The following FHIT variants were observed in gnomAD, a reference collection of about 807,000 sequenced individuals.
The protein encoded by FHIT is bis(5'-adenosyl)-triphosphatase.
Under a neutral mutation model 17.9 loss-of-function variants are expected in FHIT, and 19 were observed. The ratio of observed to expected loss-of-function variants is 1.06; its 90% confidence interval spans 0.74 to 1.56. FHIT has a LOEUF of 1.56. Among genes scored for constraint, FHIT ranks in the 40% most tolerant of loss-of-function variants. The pLI is 0.00. For synonymous variants in FHIT, 81 were observed against 69.7 expected (o/e 1.16, Z -0.81); for missense variants, 248 against 189.2 (o/e 1.31, Z -1.82).
At chr3:61,243,352 C>A (rs2040415914) in intron 1 of FHIT, among the ~76,000 whole-genome samples, 1 of 152,142 alleles carries the variant, frequency 6.6e-6, no homozygotes, top group African/African-American at 2.4e-5. Context: ...TTCAGTGCCC[C>A]AGGAGCAGAA....
chr3:60,404,680 C>A (rs1486676395), intron 5 of FHIT, among the ~76,000 whole-genome samples: 3 of 152,136 alleles, frequency 2.0e-5, no homozygotes, highest in African/African-American at 2.4e-5. Context: ...CCCAGCCCTG[C>A]AACAGGGCTT....
At chr3:60,311,520 T>A (rs961436740) in intron 5 of FHIT, among the ~76,000 whole-genome samples, 1 of 152,244 alleles carries the variant, frequency 6.6e-6, no homozygotes, top group Admixed American at 6.5e-5. Context: ...CTGCTTAATA[T>A]TCTGAGTGTA....
At chr3:60,088,633 G>C (rs1211452620) in intron 5 of FHIT, among the ~76,000 whole-genome samples, 2 of 152,036 alleles carry the variant, frequency 1.3e-5, no homozygotes, top group Admixed American at 6.6e-5. Context: ...CACTGTACTT[G>C]GATCTCTCTT....
chr3:60,973,386 C>G (rs1388560475), intron 3 of FHIT, among the ~76,000 whole-genome samples: 1 of 152,116 alleles, frequency 6.6e-6, no homozygotes, highest in Non-Finnish European at 1.5e-5. Context: ...TTGCCATTTA[C>G]TCCTGTATCA....
intron 5 of FHIT, among the ~76,000 whole-genome samples, chr3:60,133,913 G>A (rs1205418901): frequency 2.0e-5 from 3 of 150,662 alleles, no homozygotes; most frequent in African/African-American, 7.3e-5. Context: ...AAATACTGTA[G>A]AGCTTGTCAT....
chr3:61,129,492 T>C (rs987298803), intron 2 of FHIT, among the ~76,000 whole-genome samples: 5 of 152,164 alleles, frequency 3.3e-5, no homozygotes, highest in Admixed American at 1.3e-4. Context: ...ACTCTCCTGA[T>C]GAAATGGCTC....
chr3:61,134,888 G>C (rs989626318), intron 2 of FHIT, among the ~76,000 whole-genome samples: 2 of 152,180 alleles, frequency 1.3e-5, no homozygotes, highest in Non-Finnish European at 2.9e-5. Flanking sequence ...CAAATGCCCA[G>C]TGGCTGAGAG....
chr3:60,706,292 G>A lies in FHIT; in HGVS notation c.-18+115627C>T, dbSNP rs1206826233. Among the ~76,000 whole-genome samples, 3 of 152,016 alleles carry A rather than the reference G, an allele frequency of 2.0e-5. No individual in the cohort carries two copies. The East Asian group carries it at 5.8e-4, about 29-fold the overall frequency. On this transcript the variant is annotated intron_variant, in intron 4 of 9. Coordinates refer to ENST00000492590, the MANE Select transcript of FHIT (RefSeq NM_002012.4). ...ATAGCATTAGGACTAATGCATGCGG[G>A]GCTTAAAACCTAGATGACAGGTTGA...
intron 1 of FHIT, among the ~76,000 whole-genome samples, chr3:61,208,443 G>T (rs1576220089): frequency 6.6e-6 from 1 of 152,040 alleles, no homozygotes; most frequent in African/African-American, 2.4e-5. Flanking sequence ...TATTGTGTGG[G>T]AGTCTAAGTC....
intron 5 of FHIT, among the ~76,000 whole-genome samples, chr3:60,515,504 G>T (rs942208890): frequency 1.3e-5 from 2 of 151,182 alleles, no homozygotes; most frequent in Admixed American, 6.6e-5. Context: ...ACACAATTAA[G>T]ATCAAGGCTA....
At chr3:61,154,658 G>C (rs2037485158) in intron 2 of FHIT, among the ~76,000 whole-genome samples, 1 of 152,124 alleles carries the variant, frequency 6.6e-6, no homozygotes, top group Non-Finnish European at 1.5e-5. Flanking sequence ...ATTGCTTTCG[G>C]CCATCTGATA....
intron 2 of FHIT, among the ~76,000 whole-genome samples, chr3:61,052,254 T>G (rs556907770): frequency 6.6e-6 from 1 of 152,348 alleles, no homozygotes; most frequent in South Asian, 2.1e-4. Context: ...ACTCTGCAGA[T>G]GTACCTATAA....
At chr3:60,082,879 C>G (rs1340851715) in intron 5 of FHIT, among the ~76,000 whole-genome samples, 2 of 152,096 alleles carry the variant, frequency 1.3e-5, no homozygotes, top group Non-Finnish European at 2.9e-5. Flanking sequence ...AGACCTTTGT[C>G]AGATGCATAG....
chr3:60,193,814 G>A (rs192471904), intron 5 of FHIT, among the ~76,000 whole-genome samples: 2 of 152,238 alleles, frequency 1.3e-5, no homozygotes, highest in East Asian at 1.9e-4. Context: ...CATGGGGGCA[G>A]GAAAGGAAGG....
At chr3:61,210,707 C>T (rs982540958) in intron 1 of FHIT, among the ~76,000 whole-genome samples, 5 of 152,230 alleles carry the variant, frequency 3.3e-5, no homozygotes, top group African/African-American at 1.2e-4. Context: ...CATCTGTCAC[C>T]CCTCTCTTTT....
At chr3:59,808,913 AGAG>A (rs1335368587) in intron 8 of FHIT, among the ~76,000 whole-genome samples, 3 of 152,204 alleles carry the variant, frequency 2.0e-5, no homozygotes, top group Non-Finnish European at 4.4e-5. Context: ...ACAACAGCTT[AGAG>A]GAGAGGCATT....
intron 5 of FHIT, among the ~76,000 whole-genome samples, chr3:60,286,217 A>G (rs560205915): frequency 6.6e-6 from 1 of 152,326 alleles, no homozygotes; most frequent in East Asian, 1.9e-4. Flanking sequence ...CTAGAAATGC[A>G]GGTGTGGCCA....
chr3:60,390,548 G>A (rs919786866), intron 5 of FHIT, among the ~76,000 whole-genome samples: 1 of 151,906 alleles, frequency 6.6e-6, no homozygotes, highest in Non-Finnish European at 1.5e-5. Flanking sequence ...TTCAGGAGTT[G>A]CTCCAGAAGA....
At chr3:60,053,498 G>A (rs553980525) in intron 5 of FHIT, among the ~76,000 whole-genome samples, 32 of 151,426 alleles carry the variant, frequency 2.1e-4, no homozygotes, top group Admixed American at 1.3e-3. Context: ...GTTATTGTTC[G>A]TCATGTGAAC....
Sources: gnomAD v4.1 joint callset for allele counts (sites outside exome capture counted in the v4.1 genomes callset) on GRCh38, gnomAD v4.1.1 for gene constraint, MANE v1.5 for transcripts, NCBI Gene and HGNC (gene_info 2026-07-23, HGNC 2026-07-21) for gene names.